Variants in RTN1 observed in about 807,000 individuals in gnomAD.
RTN1 encodes the protein reticulon 1.
In RTN1, 25 loss-of-function variants were observed where a neutral mutation model predicts 65.5. The ratio of observed to expected loss-of-function variants is 0.38; its 90% CI spans 0.28 to 0.53. The LOEUF (loss-of-function observed/expected upper bound fraction) is 0.53. RTN1 is among the 20% of genes least tolerant of loss of function. The pLI is 0.79. For synonymous variants in RTN1, 471 were observed against 447.6 expected (o/e 1.05, Z -0.66); for missense variants, 983 against 1,025.4 (o/e 0.96, Z 0.57).
chr14:59,653,618 CTA>C (rs969293425), intron 3 of RTN1, among the ~76,000 whole-genome samples: 2 of 151,296 alleles, frequency 1.3e-5, no homozygotes, highest in African/African-American at 4.9e-5. Context: ...TAAAATAAAA[CTA>C]TATATATAAA....
At chr14:59,627,296 G>A (rs1278609405) in intron 3 of RTN1, among the ~76,000 whole-genome samples, 2 of 152,224 alleles carry the variant, frequency 1.3e-5, no homozygotes, top group African/African-American at 4.8e-5. Context: ...AGAAGGTGGA[G>A]CAGTGGGAAG....
Position 59,870,388 on chromosome 14 carries a change from A to C in RTN1, c.241+2T>G, listed in dbSNP as rs1263136183. 6 of 1,517,120 alleles carry C rather than the reference A, an allele frequency of 4.0e-6. No individual in the cohort carries two copies. The highest frequency in any genetic ancestry group is 5.2e-6 in the Non-Finnish European group (6 of 1,144,288). The allele number at this position is 1,517,120 out of a possible 1,614,324, so 94.0% of individuals were successfully genotyped here. On this transcript the variant is annotated splice_donor_variant, in intron 1 of 8. Coordinates refer to ENST00000267484, the MANE Select transcript of RTN1 (RefSeq NM_021136.3). LOFTEE classifies it high-confidence loss of function. The surrounding 1 kb of genome is among the most constrained non-coding windows in gnomAD (Gnocchi z 5.1). ...TTTGAGGGGCAGCGGCGCCCGCCTT[A>C]CCTGTGGATGCAGTTTCCATGGCAA...
chr14:59,750,649 ATCT>A (rs1885494301), intron 1 of RTN1, among the ~76,000 whole-genome samples: 1 of 45,164 alleles, frequency 2.2e-5, no homozygotes, highest in Non-Finnish European at 3.5e-5. Flanking sequence ...TATATATTAT[ATCT>A]ATAATATATA....
chr14:59,702,841 A>G (rs1355985768), intron 3 of RTN1, among the ~76,000 whole-genome samples: 4 of 152,172 alleles, frequency 2.6e-5, no homozygotes, highest in Admixed American at 1.3e-4. Context: ...GAGAGTCATG[A>G]GGCCTGTGGT....
At chr14:59,651,468 T>C (rs972097388) in intron 3 of RTN1, among the ~76,000 whole-genome samples, 4 of 151,922 alleles carry the variant, frequency 2.6e-5, no homozygotes, top group Admixed American at 1.3e-4. Context: ...ACTCAAGACA[T>C]AGGCATGGGG....
At position 59,870,046 on chromosome 14, in the gene RTN1, C is replaced by T. The variant is rs1344416872; in HGVS notation, c.241+344G>A. On this transcript the variant is annotated intron_variant, in intron 1 of 8. Transcript: ENST00000267484. This position sits in a 1 kb window ranked among gnomAD's most constrained non-coding sequence, Gnocchi z 5.1. ...CCCACAACCTGTCAAACGGGCCCTA[C>T]AGCTCGGAGCCTCCTGGCAGGAGGG... 6.6e-6 allele frequency among the ~76,000 whole-genome samples: 1 copy of T among 152,210 alleles called. No individual in the cohort carries two copies. Among genetic ancestry groups the T allele is most frequent in the East Asian group, 1.9e-4 (1 of 5,172 alleles).
chr14:59,853,666 A>C (rs1887549737), intron 1 of RTN1, among the ~76,000 whole-genome samples: 1 of 152,110 alleles, frequency 6.6e-6, no homozygotes, highest in Admixed American at 6.5e-5. Context: ...TCTCGAGTTA[A>C]CGAGACTTAA....
chr14:59,642,470 T>C (rs1402137579), intron 3 of RTN1, among the ~76,000 whole-genome samples: 1 of 152,156 alleles, frequency 6.6e-6, no homozygotes, highest in Middle Eastern at 3.2e-3. Flanking sequence ...TCTGAAAATG[T>C]TTCACAAGTT....
intron 1 of RTN1, among the ~76,000 whole-genome samples, chr14:59,828,627 T>A (rs987644253): frequency 6.6e-6 from 1 of 152,186 alleles, no homozygotes; most frequent in African/African-American, 2.4e-5. Context: ...GTTTTCCAGT[T>A]TTTGTCTCAG....
intron 3 of RTN1, 108 bp from the exon 4 acceptor site, chr14:59,607,600 CTG>C (rs113935901): frequency 0.016 from 14,458 of 894,502 alleles, 246 homozygotes; most frequent in African/African-American, 0.067. Context: ...CACCTGGCAT[CTG>C]GATTCCTAAA....
At chr14:59,762,580 T>C (rs1885771538) in intron 1 of RTN1, among the ~76,000 whole-genome samples, 3 of 152,192 alleles carry the variant, frequency 2.0e-5, no homozygotes, top group African/African-American at 7.2e-5. Flanking sequence ...ATTGTCGTGA[T>C]GATTAAAGGA....
intron 2 of RTN1, among the ~76,000 whole-genome samples, chr14:59,743,942 G>C (rs1045694715): frequency 1.3e-5 from 2 of 152,176 alleles, no homozygotes; most frequent in South Asian, 2.1e-4. Flanking sequence ...GTGCCTCATA[G>C]AGTACCCAAC....
intron 1 of RTN1, among the ~76,000 whole-genome samples, chr14:59,768,853 A>G (rs1254454902): frequency 6.6e-6 from 1 of 152,196 alleles, no homozygotes; most frequent in Non-Finnish European, 1.5e-5. Flanking sequence ...AAATGACCCT[A>G]TAAGACAGGC....
At chr14:59,857,528 G>A (rs773462954) in intron 1 of RTN1, among the ~76,000 whole-genome samples, 8 of 151,766 alleles carry the variant, frequency 5.3e-5, no homozygotes, top group African/African-American at 1.2e-4. Flanking sequence ...TCCTCCCCTC[G>A]TCCCCAGATA....
intron 2 of RTN1, among the ~76,000 whole-genome samples, chr14:59,740,681 A>C (rs1382708477): frequency 1.3e-5 from 2 of 152,176 alleles, no homozygotes; most frequent in Non-Finnish European, 2.9e-5. Context: ...CACCCTTACC[A>C]TGAGTCAAAA....
In RTN1 at chr14:59,749,992, CAT is replaced by C. The variant is rs1491565249; in HGVS notation, c.242-3513_242-3512del. 1.4e-4 allele frequency among the ~76,000 whole-genome samples: 11 copies of C among 76,408 alleles called. 1 individual carries two copies. Among genetic ancestry groups the C allele is most frequent in the Admixed American group, 7.7e-4 (3 of 3,896 alleles). 50.1% of individuals were successfully genotyped at this position (76,408 alleles called of 152,430 possible). A position where few individuals can be genotyped will look rare whatever the true frequency, so the allele number is the denominator to read the frequency against. ...ATATACATATATTATATATTATATA[CAT>C]ATATATTATATACATATATATTATA... is the stretch of plus-strand genomic sequence containing the variant. On this transcript the variant is annotated intron_variant, in intron 1 of 8. Transcript: ENST00000267484.
chr14:59,689,789 C>G (rs1883922639), intron 3 of RTN1, among the ~76,000 whole-genome samples: 1 of 152,108 alleles, frequency 6.6e-6, no homozygotes, highest in African/African-American at 2.4e-5. Context: ...ACCAACCTTA[C>G]AAGCGATCTT....
chr14:59,699,169 C>T (rs778380137), intron 3 of RTN1, among the ~76,000 whole-genome samples: 11 of 151,962 alleles, frequency 7.2e-5, no homozygotes, highest in Non-Finnish European at 1.0e-4. Context: ...ATCCTTTGAG[C>T]GCAGGGTATA....
At chr14:59,630,086 T>C (rs2140183986) in intron 3 of RTN1, among the ~76,000 whole-genome samples, 1 of 152,136 alleles carries the variant, frequency 6.6e-6, no homozygotes, top group South Asian at 2.1e-4. Flanking sequence ...TGCACTGGGA[T>C]GCATGGAACA....
Sources: allele counts gnomAD v4.1 joint callset (sites outside exome capture counted in the v4.1 genomes callset), GRCh38; gene constraint gnomAD v4.1.1; non-coding constraint Gnocchi (gnomAD v3.1); transcripts MANE v1.5; gene names NCBI Gene and HGNC (gene_info 2026-07-23, HGNC 2026-07-21).